The following MSH3 variants were observed in gnomAD, a reference collection of about 807,000 sequenced individuals.
MSH3 encodes mutS homolog 3.
Under a neutral mutation model 123.3 loss-of-function variants are expected in MSH3, and 106 were observed. The ratio of observed to expected loss-of-function variants is 0.86; its 90% confidence interval spans 0.73 to 1.01. The LOEUF (loss-of-function observed/expected upper bound fraction) is 1.01. Among genes scored for constraint, MSH3 ranks in the 50% least tolerant of loss-of-function variants. The pLI is 0.00. For synonymous variants in MSH3, 515 were observed against 481.4 expected, an observed-to-expected ratio of 1.07 and a Z score of -0.91; for missense variants, 1,459 against 1,347.6, an observed-to-expected ratio of 1.08 and a Z score of -1.29.
intron 2 of MSH3, among the ~76,000 whole-genome samples, chr5:80,657,878 C>A (rs1367540001): frequency 6.6e-6 from 1 of 151,994 alleles, no homozygotes; most frequent in Non-Finnish European, 1.5e-5. Flanking sequence ...GAATTTGCCA[C>A]GGTTAATGTT....
intron 17 of MSH3, among the ~76,000 whole-genome samples, chr5:80,781,789 A>G (rs1744414503): frequency 6.6e-6 from 1 of 152,142 alleles, no homozygotes; most frequent in Non-Finnish European, 1.5e-5. Flanking sequence ...GTCTTCTAAC[A>G]GCCCATTATT....
chr5:80,748,134 T>C (rs1330961849), intron 12 of MSH3, among the ~76,000 whole-genome samples: 2 of 152,304 alleles, frequency 1.3e-5, no homozygotes, highest in African/African-American at 4.8e-5. Flanking sequence ...AGCAAAATAA[T>C]GCAGATCTCC....
intron 17 of MSH3, among the ~76,000 whole-genome samples, chr5:80,785,694 A>G (rs1744493673): frequency 6.6e-6 from 1 of 152,168 alleles, no homozygotes. Flanking sequence ...ATGCACACGT[A>G]TGTTTATTGC....
At chr5:80,676,013 A>G (rs1468674921) in intron 7 of MSH3, among the ~76,000 whole-genome samples, 1 of 152,124 alleles carries the variant, frequency 6.6e-6, no homozygotes, top group East Asian at 1.9e-4. Context: ...GATAAATGTA[A>G]TTTGTGAATT....
At chr5:80,848,320 T>G (rs1188029306) in intron 20 of MSH3, among the ~76,000 whole-genome samples, 1 of 152,244 alleles carries the variant, frequency 6.6e-6, no homozygotes, top group Admixed American at 6.5e-5. Flanking sequence ...ATCATATTTT[T>G]AATTTTCAAG....
chr5:80,868,991 C>T (rs892291164), intron 22 of MSH3, among the ~76,000 whole-genome samples: 1 of 152,132 alleles, frequency 6.6e-6, no homozygotes, highest in Non-Finnish European at 1.5e-5. Flanking sequence ...CGTAGGTCAT[C>T]AGTAAAATGC....
At chr5:80,743,186 G>A (rs1033592798) in intron 11 of MSH3, among the ~76,000 whole-genome samples, 10 of 152,074 alleles carry the variant, frequency 6.6e-5, no homozygotes, top group African/African-American at 2.4e-4. Flanking sequence ...TGCTTCTCCA[G>A]GGGTGTCAGG....
At chr5:80,842,609 G>A (rs1208233444) in intron 20 of MSH3, among the ~76,000 whole-genome samples, 4 of 152,130 alleles carry the variant, frequency 2.6e-5, no homozygotes, top group African/African-American at 9.7e-5. Flanking sequence ...AGTTCTCCTT[G>A]AAGAGGTCTT....
chr5:80,802,178 A>AT (rs1260019677), intron 19 of MSH3, among the ~76,000 whole-genome samples: 4 of 151,828 alleles, frequency 2.6e-5, no homozygotes, highest in East Asian at 3.9e-4. Context: ...TTTCTTTGTA[A>AT]TTTTTTTTAA....
chr5:80,781,836 G>C (rs898804913), intron 17 of MSH3, among the ~76,000 whole-genome samples: 1 of 152,052 alleles, frequency 6.6e-6, no homozygotes, highest in Non-Finnish European at 1.5e-5. Context: ...CCTTCTGACT[G>C]GGCCTTCTAC....
At chr5:80,724,736 A>G (rs1743230166) in intron 8 of MSH3, among the ~76,000 whole-genome samples, 1 of 152,234 alleles carries the variant, frequency 6.6e-6, no homozygotes, top group Non-Finnish European at 1.5e-5. Context: ...AGAGTTACTC[A>G]GTGCTGTATT....
intron 8 of MSH3, among the ~76,000 whole-genome samples, chr5:80,724,757 A>G (rs1268334191): frequency 1.3e-5 from 2 of 152,236 alleles, no homozygotes; most frequent in Non-Finnish European, 2.9e-5. Flanking sequence ...CTGTTGCTAG[A>G]TTATTTAAAC....
chr5:80,753,186 G>A (rs1454651933), intron 12 of MSH3, among the ~76,000 whole-genome samples: 1 of 152,146 alleles, frequency 6.6e-6, no homozygotes, highest in East Asian at 1.9e-4. Flanking sequence ...GAAAGCCCAT[G>A]TTGAACTTGA....
chr5:80,689,236 G>C (rs1750169381), intron 8 of MSH3, among the ~76,000 whole-genome samples: 1 of 152,144 alleles, frequency 6.6e-6, no homozygotes, highest in East Asian at 1.9e-4. Flanking sequence ...AGGAAGACTG[G>C]AGCTGTTTCA....
chr5:80,742,003 CTT>C (rs565490803), intron 11 of MSH3, among the ~76,000 whole-genome samples: 1 of 144,898 alleles, frequency 6.9e-6, no homozygotes, highest in Non-Finnish European at 1.5e-5. Context: ...TGCAAACTTT[CTT>C]TTTTTTTTTT....
At chr5:80,698,695 C>T (rs919380064) in intron 8 of MSH3, among the ~76,000 whole-genome samples, 4 of 151,614 alleles carry the variant, frequency 2.6e-5, no homozygotes, top group East Asian at 3.9e-4. Flanking sequence ...AGCAAACTGT[C>T]GCAAGGACAA....
chr5:80,752,879 AAG>A (rs1486303344), intron 12 of MSH3, among the ~76,000 whole-genome samples: 4 of 152,184 alleles, frequency 2.6e-5, no homozygotes, highest in Non-Finnish European at 4.4e-5. Flanking sequence ...AATGTTATAA[AAG>A]AACACATAAA....
chr5:80,712,618 C>G (rs1750881792), intron 8 of MSH3, among the ~76,000 whole-genome samples: 1 of 152,034 alleles, frequency 6.6e-6, no homozygotes, highest in African/African-American at 2.4e-5. Context: ...CTCTGTGATC[C>G]AATCTGAATT....
In MSH3 at chr5:80,837,504, G is replaced by A. The variant is rs141448207; in HGVS notation, c.2814-16626G>A. Among the ~76,000 whole-genome samples, 1,342 of 152,190 alleles carry A rather than the reference G, an allele frequency of 8.8e-3. 24 individuals are homozygous for A. The highest frequency in any genetic ancestry group is 0.031 in the African/African-American group (1,281 of 41,512). ...TGAGGTGGGAGTTCGCTTGAACCTG[G>A]GAGGTTGAGGCTGCAGTGAGCCAAG... On this transcript the variant is annotated intron_variant, in intron 20 of 23. Coordinates refer to ENST00000265081, the MANE Select transcript of MSH3 (RefSeq NM_002439.5).
Sources: gnomAD v4.1 joint callset for allele counts (sites outside exome capture counted in the v4.1 genomes callset) on GRCh38, gnomAD v4.1.1 for gene constraint, MANE v1.5 for transcripts, NCBI Gene and HGNC (gene_info 2026-07-23, HGNC 2026-07-21) for gene names.